The following BICRAL variants were observed in gnomAD, a reference collection of about 807,000 sequenced individuals.
BICRAL encodes the protein BRD4-interacting chromatin-remodeling complex-associated protein-like.
Under a neutral mutation model 91.8 loss-of-function variants are expected in BICRAL, and 8 were observed. The observed-to-expected ratio is 0.09, with a 90% CI of 0.05 to 0.16. BICRAL has a LOEUF of 0.16. Ranked by LOEUF, BICRAL falls within the 10% of genes least tolerant of loss-of-function variation. The probability of loss-of-function intolerance (pLI) is 1.00; values close to 1 mark genes in which losing one functional copy is unlikely to be tolerated. For synonymous variants in BICRAL, 445 were observed against 491.1 expected (o/e 0.91, Z 1.24); for missense variants, 1,038 against 1,310.9 (o/e 0.79, Z 3.21).
At position 42,822,986 on chromosome 6, in the gene BICRAL, A is replaced by G. The variant is rs1242706037; in HGVS notation, c.142A>G (p.Ile48Val). ...AGYSAANSNS[I>V]FANSSNADPK... ...ATATTCTGCAGCCAATTCAAATTCA[A>G]TTTTCGCCAACTCTAGTGTGAGTAT... Residue 48 changes from isoleucine to valine, a missense_variant, in exon 5 of 13, where the codon ATT becomes GTT. This residue lies in a region of BICRAL where 115 missense variants were observed against 121.5 expected (regional missense o/e 0.95). Coordinates refer to ENST00000314073, the MANE Select transcript of BICRAL (RefSeq NM_001393499.1). 1.2e-6 allele frequency: 2 copies of G among 1,607,710 alleles called. No individual in the cohort carries two copies. Among genetic ancestry groups the G allele is most frequent in the Admixed American group, 1.7e-5 (1 of 59,986 alleles).
chr6:42,856,789 T>A (rs1054005504), intron 9 of BICRAL, among the ~76,000 whole-genome samples: 1 of 152,074 alleles, frequency 6.6e-6, no homozygotes, highest in East Asian at 1.9e-4. Flanking sequence ...ACTCCCATGT[T>A]TAGAACAGAA....
chr6:42,853,079 A>G (rs1462309571), intron 7 of BICRAL, among the ~76,000 whole-genome samples: 1 of 151,844 alleles, frequency 6.6e-6, no homozygotes, highest in Non-Finnish European at 1.5e-5. Flanking sequence ...AAAAAAAAAA[A>G]AAAGAAAAGG....
rs116214315 is a variant in BICRAL, at chr6:42,815,315, G to A, written c.-6+4914G>A. Among the ~76,000 whole-genome samples the A allele has an allele frequency of 6.2e-3, 926 of 148,420 alleles. 11 individuals carry two copies. The highest frequency in any genetic ancestry group is 0.022 in the African/African-American group (889 of 40,172). ...GGCAATTCTCCTGCCTAAGCCTCCC[G>A]AGTAGATAGGATTACAGGCATCCAC... is the stretch of plus-strand genomic sequence containing the variant. On this transcript the variant is annotated intron_variant, in intron 2 of 12. Transcript: ENST00000314073.
intron 1 of BICRAL, among the ~76,000 whole-genome samples, chr6:42,785,987 G>A (rs555639539): frequency 2.0e-5 from 3 of 152,114 alleles, no homozygotes; most frequent in South Asian, 2.1e-4. Context: ...CCTGGGAGAC[G>A]GAGGTTGTAG....
intron 1 of BICRAL, among the ~76,000 whole-genome samples, chr6:42,764,028 G>A (rs576539326): frequency 6.1e-4 from 89 of 145,952 alleles, no homozygotes; most frequent in South Asian, 2.4e-3. Flanking sequence ...GATCACCTGA[G>A]GTCAGGAGTT....
At chr6:42,842,586 T>C (rs1764833579) in intron 6 of BICRAL, among the ~76,000 whole-genome samples, 1 of 152,078 alleles carries the variant, frequency 6.6e-6, no homozygotes, top group South Asian at 2.1e-4. Flanking sequence ...TGAATGTCCT[T>C]TCCTTCCCTG....
intron 2 of BICRAL, among the ~76,000 whole-genome samples, chr6:42,820,668 C>T (rs972705193): frequency 6.6e-6 from 1 of 152,200 alleles, no homozygotes; most frequent in Admixed American, 6.5e-5. Context: ...TTTCACTTAG[C>T]CAGCTGCCCT....
chr6:42,767,012 C>T (rs1762645986), intron 1 of BICRAL, among the ~76,000 whole-genome samples: 1 of 151,158 alleles, frequency 6.6e-6, no homozygotes, highest in Non-Finnish European at 1.5e-5. Context: ...TGTACTCCAG[C>T]CTGGGCAACA....
intron 1 of BICRAL, among the ~76,000 whole-genome samples, chr6:42,808,283 C>T (rs1015456540): frequency 1.3e-5 from 2 of 152,060 alleles, no homozygotes; most frequent in Admixed American, 6.6e-5. Context: ...GGGCATGCAC[C>T]ACTGTGCCTG....
At position 42,829,816 on chromosome 6, in the gene BICRAL, G is replaced by A; in HGVS notation, c.1483G>A (p.Val495Met). ...AGCCAATCATGCCTCTCCTCAGCTT[G>A]TGGGTGGACAGATGCCCTTGCAGCA... ...VIANHASPQL[V>M]GGQMPLQQAS... The change falls in exon 6 of 13, where the codon GTG becomes ATG. Residue 495 changes from valine to methionine, a missense_variant. By Grantham distance (21) the Val-to-Met change is conservative (BLOSUM62 1). Transcript: ENST00000314073. The A allele has an allele frequency of 6.2e-7, 1 of 1,614,212 alleles. No individual in the cohort carries two copies. Among genetic ancestry groups the A allele is most frequent in the Non-Finnish European group, 8.5e-7 (1 of 1,180,050 alleles).
intron 2 of BICRAL, among the ~76,000 whole-genome samples, chr6:42,816,934 A>T (rs1764009953): frequency 6.6e-6 from 1 of 151,500 alleles, no homozygotes; most frequent in Non-Finnish European, 1.5e-5. Flanking sequence ...GAATGGTGTG[A>T]ACCTGGGAGG....
chr6:42,814,440 T>C (rs1398766341), intron 2 of BICRAL, among the ~76,000 whole-genome samples: 1 of 145,036 alleles, frequency 6.9e-6, no homozygotes, highest in Non-Finnish European at 1.5e-5. Context: ...CACATACATG[T>C]ATGTATATGT....
At chr6:42,831,591 T>C (rs983959870) in intron 6 of BICRAL, among the ~76,000 whole-genome samples, 4 of 152,108 alleles carry the variant, frequency 2.6e-5, no homozygotes, top group Non-Finnish European at 5.9e-5. Flanking sequence ...CTGAGCATGC[T>C]CCATAGTTCC....
In BICRAL at chr6:42,750,578, C is replaced by T. The variant is rs547934566; in HGVS notation, c.-261+3555C>T. 7.2e-5 allele frequency among the ~76,000 whole-genome samples: 11 copies of T among 152,162 alleles called. No homozygotes were observed. The East Asian group carries it at 7.7e-4, about 11-fold the overall frequency. On this transcript the variant is annotated intron_variant, in intron 1 of 14. Transcript: ENST00000614467. Reference sequence around the variant, plus strand: ...TCACATCTGATTATCCCATAATATACGTTTGCTTTTTTCTCAAGACGACGT... The same window carrying T: ...TCACATCTGATTATCCCATAATATATGTTTGCTTTTTTCTCAAGACGACGT...
chr6:42,833,639 G>C (rs1045170932), intron 6 of BICRAL, among the ~76,000 whole-genome samples: 6 of 151,688 alleles, frequency 4.0e-5, no homozygotes, highest in African/African-American at 9.7e-5. Flanking sequence ...GTACAGACAG[G>C]GTTTCTCCGT....
chr6:42,787,886 CT>C (rs35502833), intron 1 of BICRAL, among the ~76,000 whole-genome samples: 17,184 of 137,952 alleles, frequency 0.12, 1,831 homozygotes, highest in African/African-American at 0.3. Context: ...AAGAAGAGGG[CT>C]TTTTTTTTTT....
chr6:42,864,259 G>A (rs1392312656), intron 12 of BICRAL, among the ~76,000 whole-genome samples: 1 of 152,028 alleles, frequency 6.6e-6, no homozygotes, highest in Non-Finnish European at 1.5e-5. Flanking sequence ...AGAATTGCTT[G>A]AACCCGGGAG....
upstream of BICRAL, chr6:42,746,841 C>G (rs1325255557): frequency 6.6e-6 from 1 of 152,166 alleles, no homozygotes; most frequent in African/African-American, 2.4e-5. Context: ...TCACTGCAAC[C>G]TGGTTCGAGG....
intron 2 of BICRAL, among the ~76,000 whole-genome samples, chr6:42,819,012 A>G (rs1442925801): frequency 6.6e-6 from 1 of 152,132 alleles, no homozygotes; most frequent in Non-Finnish European, 1.5e-5. Context: ...GTCTAGTGCT[A>G]TTTACAGAGG....
Sources: allele counts gnomAD v4.1 joint callset (sites outside exome capture counted in the v4.1 genomes callset), GRCh38; gene constraint gnomAD v4.1.1; regional missense constraint gnomAD v4.1.1; transcripts MANE v1.5; gene names NCBI Gene and HGNC (gene_info 2026-07-23, HGNC 2026-07-21).